The following MYH3 variants were observed in gnomAD, a reference collection of about 807,000 sequenced individuals.
The protein encoded by MYH3 is myosin heavy chain 3.
A neutral mutation model predicts 238.0 loss-of-function variants in MYH3; 130 were observed. That is an observed-to-expected ratio of 0.55 (90% CI 0.47 to 0.63). The LOEUF (loss-of-function observed/expected upper bound fraction) is 0.63. Among genes scored for constraint, MYH3 ranks in the 30% least tolerant of loss-of-function variants. MYH3 has a pLI of 0.00. For synonymous variants in MYH3, 880 were observed against 924.1 expected (o/e 0.95, Z 0.86); for missense variants, 1,853 against 2,374.9 (o/e 0.78, Z 4.57).
Position 10,640,614 on chromosome 17 carries a change from A to C in MYH3, c.2238T>G (p.Leu746=), listed in dbSNP as rs1480123333. 1.9e-5 allele frequency: 30 copies of C among 1,614,144 alleles called. No homozygotes were observed. Among genetic ancestry groups the C allele is most frequent in the Non-Finnish European group, 2.5e-5 (29 of 1,180,042 alleles). The change falls in exon 20 of 41, where the codon CTT becomes CTG. Residue 746 remains leucine, a synonymous_variant. Coordinates refer to ENST00000583535, the MANE Select transcript of MYH3 (RefSeq NM_002470.4). The part of the protein sequence containing the change: ...FIDSKKACEK[L]LASIDIDHTQ... Reference sequence around the variant, plus strand: ...TGTGGTCAATATCAATGGATGCCAGAAGCTTTTCACAGGCTTTCTTGCTGT... The same window carrying C: ...TGTGGTCAATATCAATGGATGCCAGCAGCTTTTCACAGGCTTTCTTGCTGT...
rs370795501 is a variant in MYH3, at chr17:10,640,375, C to G, written c.2384G>C (p.Gly795Ala). The G allele has an allele frequency of 3.2e-5, 52 of 1,614,102 alleles. No homozygotes were observed. The highest frequency in any genetic ancestry group is 6.7e-5 in the Admixed American group (4 of 60,004). Residue 795 changes from glycine to alanine, a missense_variant, in exon 21 of 41, where the codon GGG (glycine) becomes GCG (alanine). Physicochemically the swap from Gly to Ala is moderately conservative, Grantham distance 60 (BLOSUM62 0). Transcript: ENST00000583535. ...LITRTQAVCR[G>A]FLMRVEFQKM... is the part of the protein sequence containing the mutation. ...CTGGAATTCCACACGCATGAGGAAC[C>G]CTCTGCACACAGCTTGTGTCCGGGT...
At chr17:10,641,519 T>A in intron 17 of MYH3, 147 bp from the exon 18 acceptor site, 2 of 575,572 alleles carry the variant, frequency 3.5e-6, no homozygotes, top group Non-Finnish European at 5.9e-6. Context: ...TTTTTTTTTT[T>A]TTTTTTTTTT....
At chr17:10,652,707 C>T (rs1164314287) in intron 3 of MYH3, 144 bp from the exon 4 acceptor site, 3 of 916,940 alleles carry the variant, frequency 3.3e-6, no homozygotes, top group Admixed American at 2.7e-5. Context: ...CTGCAAGCTC[C>T]ACCTCCCGGG....
At position 10,641,130 on chromosome 17, in the gene MYH3, C is replaced by G; in HGVS notation, c.2120G>C (p.Arg707Thr). ...GAGAATCCTGTTTGGGAACCCTTTC[C>G]TGCAGATGCGGATGCCCTCCAGGAC... ...NGVLEGIRIC[R>T]KGFPNRILYG... The change falls in exon 19 of 41, where the codon AGG becomes ACG. Residue 707 changes from arginine (R) to threonine (T), a missense_variant. Coordinates refer to ENST00000583535, the MANE Select transcript of MYH3 (RefSeq NM_002470.4). 1 of 1,613,748 alleles carries G rather than the reference C, an allele frequency of 6.2e-7. No homozygotes were observed.
chr17:10,635,158 G>A, intron 30 of MYH3, 135 bp from the exon 31 acceptor site: 2 of 1,306,004 alleles, frequency 1.5e-6, no homozygotes, highest in Admixed American at 2.1e-5. Context: ...AGAATTTCCT[G>A]TCTACTCAAA....
Position 10,628,545 on chromosome 17 carries a change from A to G in MYH3, c.*108T>C, listed in dbSNP as rs2074115961. On this transcript the variant is annotated 3_prime_UTR_variant, in exon 41 of 41. Coordinates refer to ENST00000583535, the MANE Select transcript of MYH3 (RefSeq NM_002470.4). ...AGCGGCCCCAGATTGAAACAAAGCAAAGTTTATTGCATGTGAAAAAGAGTC... is the reference window on the plus strand; with the variant it reads ...AGCGGCCCCAGATTGAAACAAAGCAGAGTTTATTGCATGTGAAAAAGAGTC... 7.6e-7 allele frequency: 1 copy of G among 1,308,180 alleles called. No individual in the cohort carries two copies. The highest frequency in any genetic ancestry group is 1.1e-6 in the Non-Finnish European group (1 of 902,320). The allele number at this position is 1,308,180 out of a possible 1,614,324, so 81.0% of individuals were successfully genotyped here. A position where few individuals can be genotyped will look rare whatever the true frequency, so the allele number is the denominator to read the frequency against.
At chr17:10,673,072 C>G in the MYH3 span, 1 of 150,582 alleles carries the variant, frequency 6.6e-6, no homozygotes, top group African/African-American at 2.4e-5. Flanking sequence ...GGCATGACCT[C>G]AGCTCAGTGC....
the MYH3 span, among the ~76,000 whole-genome samples, chr17:10,671,087 T>C: frequency 6.6e-6 from 1 of 151,956 alleles, no homozygotes; most frequent in African/African-American, 2.4e-5. Context: ...AGAGACGGAG[T>C]TTCACCATGT....
chr17:10,648,335 T>C (rs2074343317), intron 8 of MYH3, among the ~76,000 whole-genome samples: 1 of 152,150 alleles, frequency 6.6e-6, no homozygotes, highest in Non-Finnish European at 1.5e-5. Flanking sequence ...AGAGAGGTCT[T>C]CCCTGCCCAC....
chr17:10,648,652 A>C lies in MYH3; in HGVS notation c.643-3T>G. 6.2e-7 allele frequency: 1 copy of C among 1,610,816 alleles called. No homozygotes were observed. The highest frequency in any genetic ancestry group is 8.5e-7 in the Non-Finnish European group (1 of 1,177,814). On this transcript the variant is annotated splice_polypyrimidine_tract_variant and splice_region_variant and intron_variant, in intron 7 of 40. Transcript: ENST00000583535. ...ATGATTTGATCTTCCAGAGTCCCCT[A>C]ATGCAAGAAATTGAGGGAAGAAGAG...
chr17:10,677,421 A>T, the MYH3 span: 1 of 152,260 alleles, frequency 6.6e-6, no homozygotes, highest in Non-Finnish European at 1.5e-5. Context: ...TCATATACAC[A>T]TACACAAAGA....
chr17:10,653,256 C>T (rs1408876298), intron 3 of MYH3, among the ~76,000 whole-genome samples: 1 of 152,142 alleles, frequency 6.6e-6, no homozygotes, highest in East Asian at 1.9e-4. Context: ...CAGCAGCTGG[C>T]TCTTTCCTGT....
In MYH3 at chr17:10,642,284, T is replaced by C. The variant is rs751157272; in HGVS notation, c.1915A>G (p.Lys639Glu). The C allele has an allele frequency of 7.4e-6, 12 of 1,614,150 alleles. No homozygotes were observed. Among genetic ancestry groups the C allele is most frequent in the South Asian group, 1.1e-5 (1 of 91,068 alleles). Residue 639 changes from lysine to glutamate, a missense_variant, in exon 17 of 41, where the codon AAG becomes GAG. By Grantham distance (56) the Lys-to-Glu change is moderately conservative. This residue lies in a region of MYH3 where 678 missense variants were observed against 1,058.9 expected (regional missense o/e 0.64). Transcript: ENST00000583535. The surrounding 1 kb of genome is among the most constrained non-coding windows in gnomAD (Gnocchi z 5.4). ...DADSGKKKVA[K>E]KKGSSFQTVS... ...GTTTGGAAGGAAGAACCCTTCTTCT[T>C]GGCAACTTTCTTCTTTCCACTGTCA...
Position 10,632,633 on chromosome 17 carries a change from C to T in MYH3, c.4799G>A (p.Ser1600Asn), listed in dbSNP as rs1212551788. 1.2e-6 allele frequency: 2 copies of T among 1,614,050 alleles called. No homozygotes were observed. The highest frequency in any genetic ancestry group is 1.7e-6 in the Non-Finnish European group (2 of 1,180,046). Residue 1600 changes from serine to asparagine, a missense_variant, in exon 34 of 41, where the codon AGC becomes AAC. Physicochemically the swap from Ser to Asn is conservative, Grantham distance 46. This residue lies in a region of MYH3 where 1,044 missense variants were observed against 1,192.6 expected (regional missense o/e 0.88). Transcript: ENST00000583535. The part of the protein sequence containing the change: ...NYQRTVETMQ[S>N]ALDAEVRSRN... ...GCTCCGCACCTCGGCGTCCAGGGCG[C>T]TCTGCATGGTTTCCACTGTTCTCTG... is the stretch of plus-strand genomic sequence containing the variant.
chr17:10,651,700 T>C (rs769184613), intron 4 of MYH3, 32 bp from the exon 5 acceptor site: 8 of 1,609,774 alleles, frequency 5.0e-6, no homozygotes, highest in Non-Finnish European at 6.8e-6. Context: ...CGTGCGTATA[T>C]GTATGTATGT....
At chr17:10,643,288 C>T (rs1408249823) in intron 14 of MYH3, among the ~76,000 whole-genome samples, 2 of 152,198 alleles carry the variant, frequency 1.3e-5, no homozygotes, top group African/African-American at 4.8e-5. Flanking sequence ...TTCTTCTCTA[C>T]TAGACTACAA....
chr17:10,645,171 A>G (rs2142409592), intron 12 of MYH3, among the ~76,000 whole-genome samples: 1 of 151,576 alleles, frequency 6.6e-6, no homozygotes, highest in South Asian at 2.1e-4. Context: ...ACAGTGGCTC[A>G]CACCCGTAAT....
intron 36 of MYH3, among the ~76,000 whole-genome samples, chr17:10,631,116 G>A (rs1345824810): frequency 1.3e-5 from 2 of 152,240 alleles, no homozygotes; most frequent in African/African-American, 4.8e-5. Context: ...GAGACTTAGA[G>A]TAGTCTGACT....
chr17:10,641,504 CTGTCTTTTTTTTTTTTTT>C, intron 17 of MYH3, 132 bp from the exon 18 acceptor site: 1 of 605,782 alleles, frequency 1.7e-6, no homozygotes, highest in Non-Finnish European at 2.8e-6. Context: ...TGATTTAACT[CTGTCTTTTTTTTTTTTTT>C]TTTTTTTTTT....
Sources: allele counts gnomAD v4.1 joint callset (sites outside exome capture counted in the v4.1 genomes callset), GRCh38; gene constraint gnomAD v4.1.1; regional missense constraint gnomAD v4.1.1; non-coding constraint Gnocchi (gnomAD v3.1); transcripts MANE v1.5; gene names NCBI Gene and HGNC (gene_info 2026-07-23, HGNC 2026-07-21).